SETX: variants seen among roughly 807,000 people sequenced by gnomAD.
SETX encodes senataxin.
Under a neutral mutation model 227.2 loss-of-function variants are expected in SETX, and 90 were observed. The ratio of observed to expected loss-of-function variants is 0.40; its 90% CI spans 0.33 to 0.47. SETX has a LOEUF of 0.47. Among genes scored for constraint, SETX ranks in the 20% least tolerant of loss-of-function variants. The pLI is 0.91. For synonymous variants in SETX, 1,210 were observed against 1,113.2 expected (o/e 1.09, Z -1.73); for missense variants, 3,052 against 3,181.5 (o/e 0.96, Z 0.98).
intron 10 of SETX, among the ~76,000 whole-genome samples, chr9:132,320,406 G>C (rs762569082): frequency 6.6e-6 from 1 of 151,702 alleles, no homozygotes; most frequent in Non-Finnish European, 1.5e-5. Context: ...AAACCCCGTC[G>C]CTACTAAAAA....
At chr9:132,336,194 G>T (rs1847602564) in intron 6 of SETX, 102 bp downstream of exon 6, 2 of 945,814 alleles carry the variant, frequency 2.1e-6, no homozygotes, top group African/African-American at 1.6e-5. Flanking sequence ...GGTGAGTGGA[G>T]ATGGTGCCAC....
At chr9:132,343,604 T>TTTTC (rs1482146943) in intron 4 of SETX, among the ~76,000 whole-genome samples, 5 of 152,228 alleles carry the variant, frequency 3.3e-5, no homozygotes, top group Non-Finnish European at 7.3e-5. Flanking sequence ...CGTTTTTTCA[T>TTTTC]ATTACATTTT....
At chr9:132,323,479 T>C (rs72765818) in intron 10 of SETX, among the ~76,000 whole-genome samples, 3 of 152,096 alleles carry the variant, frequency 2.0e-5, no homozygotes, top group Non-Finnish European at 4.4e-5. Flanking sequence ...AATCCCATAA[T>C]GAGGGTGAGG....
At chr9:132,267,048 C>T (rs2131126173) in intron 25 of SETX, among the ~76,000 whole-genome samples, 3 of 152,240 alleles carry the variant, frequency 2.0e-5, no homozygotes, top group Admixed American at 2.0e-4. Flanking sequence ...TCTTAAGAGT[C>T]CTTTCAATAA....
chr9:132,294,149 G>A (rs1039546992), intron 15 of SETX, among the ~76,000 whole-genome samples: 1 of 152,194 alleles, frequency 6.6e-6, no homozygotes, highest in Admixed American at 6.5e-5. Flanking sequence ...ACCAGGGAAA[G>A]TTAAATTAAA....
chr9:132,311,820 T>A lies in SETX; in HGVS notation c.5311A>T (p.Asn1771Tyr). The change falls in exon 11 of 26, where the codon AAT (asparagine) becomes TAT (tyrosine). Residue 1771 changes from asparagine (N) to tyrosine (Y), a missense_variant. Transcript: ENST00000224140. ...TTTCGTACTTGCAACTGATAGAAAT[T>A]CTCTCTATTTGGAGAGTTGAGCCAT... Reference protein sequence around the residue: ...QEWLNSPNRENFYQLQVRKFP... With the variant: ...QEWLNSPNREYFYQLQVRKFP... 5 of 1,613,648 alleles carry A rather than the reference T, an allele frequency of 3.1e-6. No homozygotes were observed. The highest frequency in any genetic ancestry group is 4.2e-6 in the Non-Finnish European group (5 of 1,179,808).
chr9:132,336,235 T>C, intron 6 of SETX, 61 bp downstream of exon 6: 4 of 1,405,532 alleles, frequency 2.8e-6, no homozygotes, highest in Non-Finnish European at 3.0e-6. Flanking sequence ...AGAGTGAGAC[T>C]GTCTCAAAAA....
rs566250856 is a variant in SETX at position 132,325,921 on chromosome 9, A to T, written c.5274+403T>A. Among the ~76,000 whole-genome samples the T allele has an allele frequency of 2.7e-5, 4 of 149,128 alleles. No homozygotes were observed. The East Asian group carries it at 8.3e-4, about 31-fold the overall frequency. On this transcript the variant is annotated intron_variant, in intron 10 of 25. Coordinates refer to ENST00000224140, the MANE Select transcript of SETX (RefSeq NM_015046.7). ...GCACTCCAGCCTGGGCAGCAAGAGC[A>T]AAACTCCACCTAAAAAAAAAAAAAA...
Position 132,331,362 on chromosome 9 carries a change from T to C in SETX, c.925A>G (p.Met309Val). The C allele has an allele frequency of 6.2e-7, 1 of 1,614,108 alleles. No homozygotes were observed. Among genetic ancestry groups the C allele is most frequent in the Non-Finnish European group, 8.5e-7 (1 of 1,180,000 alleles). The change falls in exon 8 of 26, where the codon ATG becomes GTG. Residue 309 changes from methionine (M) to valine (V), a missense_variant. Physicochemically the swap from Met to Val is conservative, Grantham distance 21. Transcript: ENST00000224140. The stretch of plus-strand genomic sequence containing the variant: ...GTTTGAAATGCCACAATAGGATCCA[T>C]AAGTTGACCCCAGACCTTAGATCCA... ...RLGSKVWGQL[M>V]DPIVAFQTII...
chr9:132,275,061 C>T (rs1480551509), intron 23 of SETX, 195 bp downstream of exon 23: 2 of 590,438 alleles, frequency 3.4e-6, no homozygotes, highest in African/African-American at 1.9e-5. Context: ...GACATTCCAA[C>T]TGCCAGGAAG....
At chr9:132,354,168 G>T (rs1564171820) in intron 1 of SETX, among the ~76,000 whole-genome samples, 1 of 152,214 alleles carries the variant, frequency 6.6e-6, no homozygotes, top group Non-Finnish European at 1.5e-5. Context: ...AAGTTGGGGA[G>T]GACGGACAAA....
At chr9:132,334,353 CAG>C (rs1232773893) in intron 7 of SETX, among the ~76,000 whole-genome samples, 2 of 152,290 alleles carry the variant, frequency 1.3e-5, no homozygotes, top group African/African-American at 2.4e-5. Flanking sequence ...GAGGCTGAGA[CAG>C]GGGAATTTCT....
chr9:132,280,136 T>C (rs745935970), intron 20 of SETX, among the ~76,000 whole-genome samples: 28 of 152,124 alleles, frequency 1.8e-4, no homozygotes, highest in Admixed American at 5.9e-4. Context: ...CACAAATGCC[T>C]AGCAATATCT....
At chr9:132,356,674 G>A (rs1425994512), upstream of SETX, among the ~76,000 whole-genome samples, 1 of 152,172 alleles carries the variant, frequency 6.6e-6, no homozygotes, top group Non-Finnish European at 1.5e-5. Flanking sequence ...GCCTTACCGA[G>A]GAGAACCCTG....
intron 5 of SETX, among the ~76,000 whole-genome samples, chr9:132,338,943 TG>T (rs1847801727): frequency 1.3e-5 from 2 of 151,972 alleles, no homozygotes; most frequent in South Asian, 4.2e-4. Flanking sequence ...AAAATTTTTT[TG>T]TAGGGATAGG....
chr9:132,331,731 G>A (rs568809239), intron 7 of SETX, among the ~76,000 whole-genome samples: 102 of 151,846 alleles, frequency 6.7e-4, no homozygotes, highest in African/African-American at 2.4e-3. Context: ...AAACAGTCTA[G>A]GTAAGCACAA....
Position 132,264,693 on chromosome 9 carries a change from G to A in SETX, c.7580C>T (p.Pro2527Leu). The A allele has an allele frequency of 6.2e-7, 1 of 1,614,224 alleles. No homozygotes were observed. Among genetic ancestry groups the A allele is most frequent in the Non-Finnish European group, 8.5e-7 (1 of 1,180,044 alleles). ...TTGGTCATGAACAGGAGGTCTTTCA[G>A]GGTCCTTTGAAGTAACAGTAAGAGT... The part of the protein sequence containing the change: ...EITLTVTSKD[P>L]ERPPVHDQLQ... Residue 2527 changes from proline to leucine, a missense_variant, in exon 26 of 26, where the codon CCT becomes CTT. Pro to Leu is a moderately conservative substitution (Grantham distance 98). Transcript: ENST00000224140.
At position 132,310,435 on chromosome 9, in the gene SETX, G is replaced by C. The variant is rs7872714; in HGVS notation, c.5374+1322C>G. 3.6e-3 allele frequency among the ~76,000 whole-genome samples: 555 copies of C among 152,296 alleles called. 4 individuals carry two copies. The highest frequency in any genetic ancestry group is 0.013 in the African/African-American group (530 of 41,550). On this transcript the variant is annotated intron_variant, in intron 11 of 25. Coordinates refer to ENST00000224140, the MANE Select transcript of SETX (RefSeq NM_015046.7). ...AAAAATGCATTCAGAAGAACACTAA[G>C]AGATACATGGGTGATCATAGTAGCA...
In SETX at chr9:132,298,260, A is replaced by G. The variant is rs1844789682; in HGVS notation, c.5601T>C (p.Phe1867=). 1.2e-6 allele frequency: 2 copies of G among 1,614,166 alleles called. No individual in the cohort carries two copies. The highest frequency in any genetic ancestry group is 1.7e-6 in the Non-Finnish European group (2 of 1,180,004). ...CYLSIQTQEN[F]PANLNELVNC... ...TCACAAGTTCGTTTAAATTGGCCGG[A>G]AAGTTCTCTTGAGTCTGGATGGAAA... The change falls in exon 13 of 26, where the codon TTT becomes TTC. Residue 1867 remains phenylalanine, a synonymous_variant. Coordinates refer to ENST00000224140, the MANE Select transcript of SETX (RefSeq NM_015046.7).
Sources: allele counts gnomAD v4.1 joint callset (sites outside exome capture counted in the v4.1 genomes callset), GRCh38; gene constraint gnomAD v4.1.1; transcripts MANE v1.5; gene names NCBI Gene and HGNC (gene_info 2026-07-23, HGNC 2026-07-21).